Variants in FIP1L1 observed in about 807,000 individuals in gnomAD.
FIP1L1 encodes pre-mRNA 3'-end-processing factor FIP1.
Under a neutral mutation model 84.6 loss-of-function variants are expected in FIP1L1, and 21 were observed. That is an observed-to-expected ratio of 0.25 (90% CI 0.18 to 0.36). The LOEUF (loss-of-function observed/expected upper bound fraction) is 0.36, where lower values mean the gene tolerates loss of function less well. FIP1L1 is among the 10% of genes least tolerant of loss of function. FIP1L1 has a pLI of 1.00. For synonymous variants in FIP1L1, 263 were observed against 242.3 expected (o/e 1.09, Z -0.80); for missense variants, 526 against 751.1 (o/e 0.70, Z 3.50).
intron 10 of FIP1L1, among the ~76,000 whole-genome samples, chr4:53,408,524 C>G (rs575943984): frequency 4.0e-4 from 61 of 152,188 alleles, no homozygotes; most frequent in Non-Finnish European, 6.8e-4. Context: ...TGTATTTCCT[C>G]AATTTGAATG....
chr4:53,416,009 C>T (rs1191373362), intron 11 of FIP1L1, among the ~76,000 whole-genome samples: 3 of 152,022 alleles, frequency 2.0e-5, no homozygotes, highest in Middle Eastern at 3.4e-3. Flanking sequence ...TCTTTGTTTT[C>T]GAACACTAAA....
At chr4:53,412,360 A>C (rs1370269757) in intron 10 of FIP1L1, among the ~76,000 whole-genome samples, 1 of 152,104 alleles carries the variant, frequency 6.6e-6, no homozygotes, top group Non-Finnish European at 1.5e-5. Flanking sequence ...AAATTTTGCA[A>C]ATTATCCCAA....
In FIP1L1 at chr4:53,414,835, T is replaced by TA. The variant is rs1255690317; in HGVS notation, c.923+114dup. 5.5e-5 allele frequency: 38 copies of TA among 685,712 alleles called. No homozygotes were observed. The East Asian group carries it at 1.1e-3, about 19-fold the overall frequency. 42.5% of individuals were successfully genotyped at this position (685,712 alleles called of 1,614,324 possible). A position where few individuals can be genotyped will look rare whatever the true frequency, so the allele number is the denominator to read the frequency against. ...TGTACCATATTTTTACCCTCCAACT[T>TA]ATGCTTTTTCAGGGTACAGTTGTAG... On this transcript the variant is annotated intron_variant, in intron 11 of 17. Coordinates refer to ENST00000337488, the MANE Select transcript of FIP1L1 (RefSeq NM_030917.4).
intron 10 of FIP1L1, among the ~76,000 whole-genome samples, chr4:53,406,987 G>C (rs1753915570): frequency 6.6e-6 from 1 of 152,044 alleles, no homozygotes; most frequent in African/African-American, 2.4e-5. Context: ...TTTTTTGAAG[G>C]GTTTTTTGTG....
At chr4:53,415,529 G>GTTTTTTTTTT (rs770097857) in intron 11 of FIP1L1, among the ~76,000 whole-genome samples, 1 of 144,656 alleles carries the variant, frequency 6.9e-6, no homozygotes, top group Non-Finnish European at 1.5e-5. Context: ...TTTGTTTTTT[G>GTTTTTTTTTT]TTTTTTTTTT....
At chr4:53,428,206 G>C (rs1441088940) in intron 13 of FIP1L1, 23 bp downstream of exon 13, 1 of 1,498,016 alleles carries the variant, frequency 6.7e-7, no homozygotes, top group South Asian at 1.4e-5. Context: ...TAAGACATTT[G>C]ACTTTGAAAG....
intron 4 of FIP1L1, among the ~76,000 whole-genome samples, chr4:53,383,157 T>G (rs946390280): frequency 2.0e-5 from 3 of 152,102 alleles, no homozygotes; most frequent in South Asian, 4.1e-4. Flanking sequence ...TGTAGGTATC[T>G]TAGTAAGTTG....
At chr4:53,446,199 C>CTT (rs35064200) in intron 15 of FIP1L1, among the ~76,000 whole-genome samples, 3 of 148,606 alleles carry the variant, frequency 2.0e-5, no homozygotes, top group African/African-American at 7.4e-5. Flanking sequence ...CCCTTCTCCC[C>CTT]TTTTTTTTTT....
intron 13 of FIP1L1, among the ~76,000 whole-genome samples, chr4:53,430,491 G>T (rs1026804503): frequency 1.8e-4 from 28 of 151,580 alleles, no homozygotes; most frequent in African/African-American, 6.3e-4. Context: ...ACAGGCGTGT[G>T]CCACCATACC....
chr4:53,384,079 G>T (rs1212253269), intron 5 of FIP1L1, among the ~76,000 whole-genome samples: 1 of 152,166 alleles, frequency 6.6e-6, no homozygotes, highest in Non-Finnish European at 1.5e-5. Flanking sequence ...AGAAGCAGCA[G>T]TTTTTGATGC....
chr4:53,452,064 A>G (rs879141994), intron 15 of FIP1L1, among the ~76,000 whole-genome samples: 18 of 152,046 alleles, frequency 1.2e-4, no homozygotes, highest in African/African-American at 4.3e-4. Flanking sequence ...TTGTATTTTT[A>G]GTAGAGACAG....
At chr4:53,450,023 A>T (rs1429227065) in intron 15 of FIP1L1, among the ~76,000 whole-genome samples, 1 of 152,092 alleles carries the variant, frequency 6.6e-6, no homozygotes, top group East Asian at 1.9e-4. Context: ...TGTCTTCAAA[A>T]ACCAACTTTC....
intron 13 of FIP1L1, among the ~76,000 whole-genome samples, chr4:53,438,933 T>C (rs926224940): frequency 2.6e-5 from 4 of 152,144 alleles, no homozygotes; most frequent in African/African-American, 9.7e-5. Context: ...GGTAAAGTTA[T>C]TAGGATTATA....
At chr4:53,451,261 G>A (rs1347510708) in intron 15 of FIP1L1, among the ~76,000 whole-genome samples, 1 of 150,376 alleles carries the variant, frequency 6.6e-6, no homozygotes, top group African/African-American at 2.4e-5. Context: ...ATGAACCACC[G>A]CGCCCAGCCT....
intron 15 of FIP1L1, among the ~76,000 whole-genome samples, chr4:53,445,144 A>G (rs1773647524): frequency 6.6e-6 from 1 of 152,188 alleles, no homozygotes; most frequent in South Asian, 2.1e-4. Flanking sequence ...GCAGGACGTT[A>G]TAGCCATGCT....
At chr4:53,406,647 T>C (rs565359461) in intron 10 of FIP1L1, among the ~76,000 whole-genome samples, 2 of 152,288 alleles carry the variant, frequency 1.3e-5, no homozygotes, top group Non-Finnish European at 2.9e-5. Context: ...CCTGGACTCT[T>C]TTTGGTTGGT....
At chr4:53,428,468 A>G (rs1765217714) in intron 13 of FIP1L1, among the ~76,000 whole-genome samples, 1 of 152,232 alleles carries the variant, frequency 6.6e-6, no homozygotes, top group African/African-American at 2.4e-5. Context: ...ATATGTATAA[A>G]TCCATACTCA....
chr4:53,419,975 G>A (rs1314001590), intron 11 of FIP1L1, among the ~76,000 whole-genome samples: 9 of 151,926 alleles, frequency 5.9e-5, no homozygotes, highest in Admixed American at 6.6e-5. Context: ...TTGGGAGGCC[G>A]AGGCGGGTGG....
chr4:53,406,753 G>C (rs181040356), intron 10 of FIP1L1, among the ~76,000 whole-genome samples: 7 of 152,108 alleles, frequency 4.6e-5, no homozygotes, highest in African/African-American at 7.2e-5. Flanking sequence ...TGTATGTGTC[G>C]AGGAATTTAT....
Sources: gnomAD v4.1 joint callset for allele counts (sites outside exome capture counted in the v4.1 genomes callset) on GRCh38, gnomAD v4.1.1 for gene constraint, MANE v1.5 for transcripts, NCBI Gene and HGNC (gene_info 2026-07-23, HGNC 2026-07-21) for gene names.